Variants in ABCG2 observed in about 807,000 individuals in gnomAD.
ABCG2 encodes broad substrate specificity ATP-binding cassette transporter ABCG2.
A neutral mutation model predicts 73.5 loss-of-function variants in ABCG2; 80 were observed. The observed-to-expected ratio is 1.09, with a 90% confidence interval of 0.91 to 1.31. ABCG2 has a LOEUF of 1.31. ABCG2 is among the 50% of genes most tolerant of loss of function. The pLI, the probability that ABCG2 is intolerant of heterozygous loss-of-function variation, is 0.00. For missense variants in ABCG2, 796 were observed against 786.2 expected (o/e 1.01, Z -0.15); for synonymous variants, 269 against 282.4 (o/e 0.95, Z 0.48).
At chr4:88,098,346 G>C (rs1442759925) in intron 12 of ABCG2, among the ~76,000 whole-genome samples, 9 of 151,970 alleles carry the variant, frequency 5.9e-5, no homozygotes, top group African/African-American at 2.2e-4. Flanking sequence ...GTGTGCATGT[G>C]TTTATCAGTG....
At chr4:88,122,111 C>T (rs1215385631) in intron 5 of ABCG2, among the ~76,000 whole-genome samples, 4 of 152,070 alleles carry the variant, frequency 2.6e-5, no homozygotes, top group East Asian at 3.9e-4. Context: ...GACTGTGCCA[C>T]GAGGGATGGT....
At chr4:88,129,885 C>T (rs1295637502) in intron 5 of ABCG2, among the ~76,000 whole-genome samples, 1 of 152,120 alleles carries the variant, frequency 6.6e-6, no homozygotes, top group African/African-American at 2.4e-5. Flanking sequence ...TCCTCTCCAA[C>T]CCACAAGAGG....
At chr4:88,131,938 T>C (rs1488643687) in intron 3 of ABCG2, 21 bp from the exon 4 acceptor site, 4 of 1,577,914 alleles carry the variant, frequency 2.5e-6, no homozygotes, top group South Asian at 1.1e-5. Flanking sequence ...ACATATATGT[T>C]GTGGGTCTAA....
intron 1 of ABCG2, among the ~76,000 whole-genome samples, chr4:88,171,274 T>TAAA (rs11331423): frequency 7.5e-4 from 97 of 129,402 alleles, no homozygotes; most frequent in Non-Finnish European, 1.2e-3. Flanking sequence ...AAGTAAAAGT[T>TAAA]AAAAAAAAAA....
intron 1 of ABCG2, among the ~76,000 whole-genome samples, chr4:88,143,460 A>T (rs1725775454): frequency 6.6e-6 from 1 of 152,330 alleles, no homozygotes; most frequent in South Asian, 2.1e-4. Context: ...CGGAAATTTT[A>T]AAGACACTTT....
rs1722243132 is a variant in ABCG2 at position 88,099,430 on chromosome 4, T to C, written c.1386A>G (p.Gly462=). 1 of 1,605,270 alleles carries C rather than the reference T, an allele frequency of 6.2e-7. No individual in the cohort carries two copies. The highest frequency in any genetic ancestry group is 8.5e-7 in the Non-Finnish European group (1 of 1,177,382). Residue 462 remains glycine, a synonymous_variant, in exon 12 of 16, where the codon GGA becomes GGG. Coordinates refer to ENST00000237612, the MANE Select transcript of ABCG2 (RefSeq NM_004827.3). ...GGAAATAAGATGACACTCTGTAGTA[T>C]CCGCTGATGTATTCATGTCTATAGA... ...KKLFIHEYIS[G]YYRVSSYFLG...
chr4:88,099,651 G>A (rs1021609966), intron 11 of ABCG2, among the ~76,000 whole-genome samples: 2 of 152,104 alleles, frequency 1.3e-5, no homozygotes, highest in South Asian at 2.1e-4. Flanking sequence ...GAAGCTCTGC[G>A]CACAGCCCCT....
intron 1 of ABCG2, among the ~76,000 whole-genome samples, chr4:88,164,411 C>T (rs899113018): frequency 6.6e-6 from 1 of 152,108 alleles, no homozygotes; most frequent in Non-Finnish European, 1.5e-5. Flanking sequence ...GCGGGAGGGA[C>T]CTGGTGGGAG....
chr4:88,152,113 T>C (rs989505271), intron 1 of ABCG2, among the ~76,000 whole-genome samples: 2 of 152,204 alleles, frequency 1.3e-5, no homozygotes, highest in Non-Finnish European at 2.9e-5. Context: ...AATAAAATGA[T>C]CCTGGTTTCT....
intron 1 of ABCG2, among the ~76,000 whole-genome samples, chr4:88,148,739 G>A (rs558803064): frequency 3.9e-5 from 6 of 152,154 alleles, no homozygotes; most frequent in East Asian, 1.9e-4. Flanking sequence ...TTGGAAACCC[G>A]TCAACAGGAA....
At chr4:88,154,095 TG>T (rs1353959007) in intron 1 of ABCG2, among the ~76,000 whole-genome samples, 1 of 152,064 alleles carries the variant, frequency 6.6e-6, no homozygotes. Flanking sequence ...GATTGATAGG[TG>T]GAAGTTTCAG....
rs561076689 is a variant in ABCG2, at chr4:88,214,024, G to A, written c.-20+16970C>T. 5.5e-5 allele frequency among the ~76,000 whole-genome samples: 6 copies of A among 109,826 alleles called. No homozygotes were observed. The East Asian group carries it at 1.7e-3, about 31-fold the overall frequency. The allele number at this position is 109,826 out of a possible 152,430, so 72.1% of individuals were successfully genotyped here. A position where few individuals can be genotyped will look rare whatever the true frequency, so the allele number is the denominator to read the frequency against. ...TTTTTTTGAGACAGAGTCTCATTCT[G>A]TCGCCCAGGTTAGAGTGCAGTGGTG... On this transcript the variant is annotated intron_variant, in intron 1 of 15. Coordinates refer to the ABCG2 transcript ENST00000515655.
At chr4:88,126,398 A>G (rs1436240302) in intron 5 of ABCG2, among the ~76,000 whole-genome samples, 1 of 152,218 alleles carries the variant, frequency 6.6e-6, no homozygotes, top group Non-Finnish European at 1.5e-5. Flanking sequence ...AACAATAGAA[A>G]AAGAGGAACT....
chr4:88,181,555 A>G (rs1728252903), intron 1 of ABCG2, among the ~76,000 whole-genome samples: 1 of 151,992 alleles, frequency 6.6e-6, no homozygotes, highest in South Asian at 2.1e-4. Flanking sequence ...ACAGAGGGAG[A>G]CCCCACACCT....
intron 1 of ABCG2, among the ~76,000 whole-genome samples, chr4:88,143,642 C>A (rs943209136): frequency 5.3e-5 from 8 of 152,030 alleles, no homozygotes; most frequent in African/African-American, 1.7e-4. Flanking sequence ...ATGTGTAATT[C>A]ACATTACTCA....
chr4:88,160,686 T>C (rs765274002), upstream of ABCG2, among the ~76,000 whole-genome samples: 11 of 151,150 alleles, frequency 7.3e-5, no homozygotes, highest in Non-Finnish European at 1.5e-4. Flanking sequence ...CCTTCTCTAC[T>C]AAAAATACAA....
At chr4:88,219,279 G>A (rs1473279704) in intron 1 of ABCG2, among the ~76,000 whole-genome samples, 6 of 152,140 alleles carry the variant, frequency 3.9e-5, no homozygotes, top group Non-Finnish European at 8.8e-5. Context: ...GCTACCATGT[G>A]ACAAAAACGA....
chr4:88,154,729 A>G (rs1197516419), intron 1 of ABCG2, among the ~76,000 whole-genome samples: 1 of 152,136 alleles, frequency 6.6e-6, no homozygotes, highest in African/African-American at 2.4e-5. Context: ...GGCCAGGAAC[A>G]ATGGTAATTG....
At position 88,095,591 on chromosome 4, in the gene ABCG2, C is replaced by A; in HGVS notation, c.1666G>T (p.Val556Phe). Residue 556 changes from valine (V) to phenylalanine (F), a missense_variant, in exon 14 of 16, where the codon GTC becomes TTC. Physicochemically the swap from Val to Phe is conservative, Grantham distance 50. Transcript: ENST00000237612. ...CAAGATGCAATGGTTGTGAGATTGA[C>A]CAACAGACCTGAAAAAATCTACAAA... is the stretch of plus-strand genomic sequence containing the variant. Reference protein sequence around the residue: ...VFMMIFSGLLVNLTTIASWLS... With the variant: ...VFMMIFSGLLFNLTTIASWLS... 1 of 1,613,714 alleles carries A rather than the reference C, an allele frequency of 6.2e-7. No homozygotes were observed. Among genetic ancestry groups the A allele is most frequent in the Non-Finnish European group, 8.5e-7 (1 of 1,179,674 alleles).
Sources: gnomAD v4.1 joint callset for allele counts (sites outside exome capture counted in the v4.1 genomes callset) on GRCh38, gnomAD v4.1.1 for gene constraint, MANE v1.5 for transcripts, NCBI Gene and HGNC (gene_info 2026-07-23, HGNC 2026-07-21) for gene names.